The following CD34 variants were observed in gnomAD, a reference collection of about 807,000 sequenced individuals.
The protein encoded by CD34 is hematopoietic progenitor cell antigen CD34.
CD34 carries 34 observed loss-of-function variants against 40.1 expected under a neutral mutation model. That is an observed-to-expected ratio of 0.85 (90% CI 0.65 to 1.13). The LOEUF (loss-of-function observed/expected upper bound fraction) is 1.13, where lower values mean the gene tolerates loss of function less well. Among genes scored for constraint, CD34 ranks in the 50% most tolerant of loss-of-function variants. The pLI is 0.00. For missense variants in CD34, 426 were observed against 466.9 expected (o/e 0.91, Z 0.81); for synonymous variants, 209 against 190.0 (o/e 1.10, Z -0.82).
At chr1:207,903,694 T>A (rs1387484215) in intron 1 of CD34, among the ~76,000 whole-genome samples, 2 of 152,260 alleles carry the variant, frequency 1.3e-5, no homozygotes, top group Admixed American at 6.5e-5. Flanking sequence ...TCAGAGTCAA[T>A]TATTCTTGTT....
chr1:207,896,271 A>G (rs1048118709), intron 4 of CD34, among the ~76,000 whole-genome samples: 1 of 152,216 alleles, frequency 6.6e-6, no homozygotes, highest in Non-Finnish European at 1.5e-5. Flanking sequence ...CTCCAGAGCC[A>G]TGTTACTGTT....
At chr1:207,888,143 G>A in intron 7 of CD34, 1 of 1,613,630 alleles carries the variant, frequency 6.2e-7, no homozygotes, top group South Asian at 1.1e-5. Flanking sequence ...ACATAGGAGA[G>A]GCACCACACC....
At position 207,883,568 on chromosome 1, in the gene CD34, C is replaced by T. The variant is rs1215218522; in HGVS notation, c.*4170G>A. The T allele has an allele frequency of 6.6e-6, 1 of 152,204 alleles. No individual in the cohort carries two copies. The highest frequency in any genetic ancestry group is 2.4e-5 in the African/African-American group (1 of 41,442). 9.4% of individuals were successfully genotyped at this position (152,204 alleles called of 1,614,324 possible). A position where few individuals can be genotyped will look rare whatever the true frequency, so the allele number is the denominator to read the frequency against. ...TCATCTTTGCCTCTGCCACTGTGCA[C>T]GTAACACAGTCCCTTGTTATTCTCT... On this transcript the variant is annotated 3_prime_UTR_variant, in exon 8 of 8. Transcript: ENST00000310833.
At chr1:207,906,998 T>C (rs754758575) in intron 1 of CD34, among the ~76,000 whole-genome samples, 10 of 152,144 alleles carry the variant, frequency 6.6e-5, no homozygotes, top group Admixed American at 6.5e-4. Flanking sequence ...GACTCCTGGG[T>C]TGTGGCTCCA....
intron 1 of CD34, 27 bp downstream of exon 1, chr1:207,910,975 C>T: frequency 1.3e-6 from 2 of 1,555,808 alleles, no homozygotes; most frequent in South Asian, 1.2e-5. Flanking sequence ...CGAAGCCAAG[C>T]GGCCGCGGCG....
intron 4 of CD34, among the ~76,000 whole-genome samples, chr1:207,897,252 A>G (rs1328289793): frequency 6.6e-6 from 1 of 152,182 alleles, no homozygotes; most frequent in African/African-American, 2.4e-5. Flanking sequence ...AAAGTACTAT[A>G]GAGGATGGAA....
intron 4 of CD34, among the ~76,000 whole-genome samples, chr1:207,895,934 T>G (rs903105682): frequency 2.4e-4 from 37 of 152,230 alleles, no homozygotes; most frequent in Non-Finnish European, 7.3e-5. Context: ...CATGTTTAAG[T>G]TAACTATTTT....
At chr1:207,898,403 C>G (rs1318097825) in intron 3 of CD34, among the ~76,000 whole-genome samples, 2 of 152,110 alleles carry the variant, frequency 1.3e-5, no homozygotes, top group Non-Finnish European at 2.9e-5. Flanking sequence ...ATGACTGAGG[C>G]CCTCATATTT....
chr1:207,881,350 G>C lies in CD34; in HGVS notation c.*6388C>G, dbSNP rs1019866995. On this transcript the variant is annotated 3_prime_UTR_variant, in exon 8 of 8. Coordinates refer to ENST00000310833, the MANE Select transcript of CD34 (RefSeq NM_001025109.2). Reference sequence around the variant, plus strand: ...ATCATATCACAACAGATTGAATACAGAAGCAGATAAAAGAATCAGCATTCG... The same window carrying C: ...ATCATATCACAACAGATTGAATACACAAGCAGATAAAAGAATCAGCATTCG... 1 of 152,094 alleles carries C rather than the reference G, an allele frequency of 6.6e-6. No homozygotes were observed. Among genetic ancestry groups the C allele is most frequent in the Admixed American group, 6.6e-5 (1 of 15,260 alleles). 9.4% of individuals were successfully genotyped at this position (152,094 alleles called of 1,614,324 possible).
In CD34 at chr1:207,899,842, C is replaced by T. The variant is rs201694419; in HGVS notation, c.241G>A (p.Glu81Lys). Residue 81 changes from glutamate to lysine, a missense_variant, in exon 2 of 8, where the codon GAG becomes AAG. Physicochemically the swap from Glu to Lys is moderately conservative, Grantham distance 56. Coordinates refer to ENST00000310833, the MANE Select transcript of CD34 (RefSeq NM_001025109.2). ...SLHPVSQHGN[E>K]ATTNITETTV... ...TTACCTGTGATGTTTGTTGTGGCCT[C>T]ATTGCCATGTTGAGACACAGGGTGC... 9.3e-6 allele frequency: 15 copies of T among 1,611,852 alleles called. No homozygotes were observed. The East Asian group carries it at 2.2e-4, about 24-fold the overall frequency.
intron 1 of CD34, among the ~76,000 whole-genome samples, chr1:207,903,727 TG>T (rs1374560514): frequency 6.6e-6 from 1 of 152,218 alleles, no homozygotes; most frequent in African/African-American, 2.4e-5. Flanking sequence ...CTAATAACCC[TG>T]GTTATCTGAT....
In CD34 at chr1:207,899,034, C is replaced by A. The variant is rs748164623; in HGVS notation, c.455G>T (p.Ser152Ile). The A allele has an allele frequency of 9.0e-5, 146 of 1,614,020 alleles. 3 individuals carry two copies. In the South Asian group the frequency reaches 1.6e-3, roughly 17 times the overall value. The change falls in exon 3 of 8, where the codon AGC becomes ATC. Residue 152 changes from serine (S) to isoleucine (I), a missense_variant. By Grantham distance (142) the Ser-to-Ile change is moderately radical. Coordinates refer to ENST00000310833, the MANE Select transcript of CD34 (RefSeq NM_001025109.2). Reference protein sequence around the residue: ...NVSDLSTTSTSLATSPTKPYT... With the variant: ...NVSDLSTTSTILATSPTKPYT... ...GGGTTTAGTGGGAGATGTTGCAAGGCTAGTGCTAGTGGTTGAAAGGTCTGA... is the reference window on the plus strand; with the variant it reads ...GGGTTTAGTGGGAGATGTTGCAAGGATAGTGCTAGTGGTTGAAAGGTCTGA...
intron 1 of CD34, among the ~76,000 whole-genome samples, chr1:207,900,623 C>A (rs1414608847): frequency 6.6e-6 from 1 of 152,174 alleles, no homozygotes; most frequent in African/African-American, 2.4e-5. Flanking sequence ...CTCCCCTCAT[C>A]CTTTTGCTCA....
At chr1:207,895,812 C>T (rs1452602036) in intron 4 of CD34, among the ~76,000 whole-genome samples, 1 of 152,130 alleles carries the variant, frequency 6.6e-6, no homozygotes, top group Non-Finnish European at 1.5e-5. Context: ...GGGGAAAGAT[C>T]GTCATTTTCC....
chr1:207,887,677 G>C lies in CD34; in HGVS notation c.*61C>G. On this transcript the variant is annotated 3_prime_UTR_variant, in exon 8 of 8. Transcript: ENST00000310833. The stretch of plus-strand genomic sequence containing the variant: ...CACCTCCAGCATGGGGGTAGCACGT[G>C]GTCAGATGCAGAGAGGGGTGCTCTC... The C allele has an allele frequency of 6.2e-7, 1 of 1,603,508 alleles. No homozygotes were observed. The highest frequency in any genetic ancestry group is 8.5e-7 in the Non-Finnish European group (1 of 1,174,014).
chr1:207,907,092 G>A (rs1294309194), intron 1 of CD34, among the ~76,000 whole-genome samples: 1 of 152,038 alleles, frequency 6.6e-6, no homozygotes, highest in Non-Finnish European at 1.5e-5. Context: ...ACCCTCCCCA[G>A]AGAGCCACTA....
At chr1:207,893,037 C>T (rs1017721867) in intron 4 of CD34, among the ~76,000 whole-genome samples, 27 of 152,168 alleles carry the variant, frequency 1.8e-4, no homozygotes, top group African/African-American at 4.3e-4. Flanking sequence ...AAGCACAATG[C>T]TTCTCCGGAC....
Position 207,884,990 on chromosome 1 carries a change from TAC to T in CD34, c.*2746_*2747del, listed in dbSNP as rs1661874067. ...AGGATGATATGATGGAAGGGAAAAC[TAC>T]AGATTCAGGACTTTGGAATTCTGGG... is the stretch of plus-strand genomic sequence containing the variant. On this transcript the variant is annotated 3_prime_UTR_variant, in exon 8 of 8. Transcript: ENST00000310833. The T allele has an allele frequency of 6.6e-6, 1 of 152,208 alleles. No individual in the cohort carries two copies. Among genetic ancestry groups the T allele is most frequent in the East Asian group, 1.9e-4 (1 of 5,202 alleles). 9.4% of individuals were successfully genotyped at this position (152,208 alleles called of 1,614,324 possible).
chr1:207,882,352 C>T lies in CD34; in HGVS notation c.*5386G>A, dbSNP rs1335849095. 1 of 152,174 alleles carries T rather than the reference C, an allele frequency of 6.6e-6. No individual in the cohort carries two copies. 9.4% of individuals were successfully genotyped at this position (152,174 alleles called of 1,614,324 possible). A position where few individuals can be genotyped will look rare whatever the true frequency, so the allele number is the denominator to read the frequency against. On this transcript the variant is annotated 3_prime_UTR_variant, in exon 8 of 8. Coordinates refer to ENST00000310833, the MANE Select transcript of CD34 (RefSeq NM_001025109.2). ...TCAACAGCTGAATGGGGAACCTGGA[C>T]CCACCAGTGTGGTATCAAAGGAGGG...
Sources: allele counts gnomAD v4.1 joint callset (sites outside exome capture counted in the v4.1 genomes callset), GRCh38; gene constraint gnomAD v4.1.1; transcripts MANE v1.5; gene names NCBI Gene and HGNC (gene_info 2026-07-23, HGNC 2026-07-21).